Variants in PRKG1 observed in about 807,000 individuals in gnomAD.
The protein encoded by PRKG1 is protein kinase cGMP-dependent 1, also known as cGMP-dependent protein kinase 1.
A neutral mutation model predicts 88.1 loss-of-function variants in PRKG1; 35 were observed. That is an observed-to-expected ratio of 0.40 (90% CI 0.30 to 0.53). PRKG1 has a LOEUF of 0.53. PRKG1 is among the 20% of genes least tolerant of loss of function. PRKG1 has a pLI of 0.59. For synonymous variants in PRKG1, 303 were observed against 292.5 expected, an observed-to-expected ratio of 1.04 and a Z score of -0.37; for missense variants, 540 against 839.8, an observed-to-expected ratio of 0.64 and a Z score of 4.41.
intron 3 of PRKG1, among the ~76,000 whole-genome samples, chr10:51,498,056 TG>T (rs1161382901): frequency 6.6e-6 from 1 of 152,276 alleles, no homozygotes; most frequent in East Asian, 1.9e-4. Context: ...CTTTAAGCAG[TG>T]GGACGCTAGG....
At chr10:51,589,601 C>T (rs944238505) in intron 3 of PRKG1, among the ~76,000 whole-genome samples, 2 of 151,776 alleles carry the variant, frequency 1.3e-5, no homozygotes, top group African/African-American at 2.4e-5. Flanking sequence ...CCAGCCTGGG[C>T]GACAGAGTGA....
intron 3 of PRKG1, among the ~76,000 whole-genome samples, chr10:51,488,211 C>G (rs150301782): frequency 1.3e-5 from 2 of 152,112 alleles, no homozygotes; most frequent in Admixed American, 1.3e-4. Flanking sequence ...TCTAAAAATT[C>G]ATTCTTATAG....
rs542207952 is a variant in PRKG1, at chr10:51,639,250, C to T, written c.593-165335C>T. On this transcript the variant is annotated intron_variant, in intron 3 of 17. Coordinates refer to ENST00000373980, the MANE Select transcript of PRKG1 (RefSeq NM_006258.4). ...GAGATCGAGACCATCCTGGCTAACA[C>T]GGTGAAACCTTGTCTCTACTAAAAA... Among the ~76,000 whole-genome samples, 36 of 151,378 alleles carry T rather than the reference C, an allele frequency of 2.4e-4. No homozygotes were observed. In the South Asian group the frequency reaches 4.2e-3, roughly 18 times the overall value.
chr10:51,840,793 G>T (rs553627044), intron 4 of PRKG1, among the ~76,000 whole-genome samples: 2 of 151,958 alleles, frequency 1.3e-5, no homozygotes, highest in Non-Finnish European at 2.9e-5. Context: ...TGACCTGCCC[G>T]CCTTGGCCTC....
At chr10:51,472,463 T>A (rs890206816) in intron 3 of PRKG1, among the ~76,000 whole-genome samples, 3 of 151,920 alleles carry the variant, frequency 2.0e-5, no homozygotes, top group Non-Finnish European at 2.9e-5. Flanking sequence ...ATGATCTATA[T>A]CTCATTCATC....
At chr10:51,117,742 T>C (rs1845162400) in intron 1 of PRKG1, among the ~76,000 whole-genome samples, 1 of 152,250 alleles carries the variant, frequency 6.6e-6, no homozygotes, top group South Asian at 2.1e-4. Flanking sequence ...AAGAAAGCTA[T>C]GCTCATATAA....
At chr10:51,632,679 T>A (rs186080672) in intron 3 of PRKG1, among the ~76,000 whole-genome samples, 26 of 152,298 alleles carry the variant, frequency 1.7e-4, no homozygotes, top group African/African-American at 5.8e-4. Context: ...AGTATAAAAT[T>A]GAGCCCAAAG....
At chr10:51,421,550 C>T (rs981444746) in intron 2 of PRKG1, among the ~76,000 whole-genome samples, 9 of 152,030 alleles carry the variant, frequency 5.9e-5, no homozygotes, top group African/African-American at 1.7e-4. Context: ...CCCAGTTCCT[C>T]GTTTTTCTTC....
chr10:51,590,599 C>A (rs1188147095), intron 3 of PRKG1, among the ~76,000 whole-genome samples: 1 of 152,178 alleles, frequency 6.6e-6, no homozygotes, highest in East Asian at 1.9e-4. Context: ...AATTGCTTAG[C>A]ATAAAAATGC....
intron 3 of PRKG1, among the ~76,000 whole-genome samples, chr10:51,520,506 A>G (rs902627279): frequency 3.9e-5 from 6 of 152,086 alleles, no homozygotes; most frequent in African/African-American, 1.4e-4. Flanking sequence ...TCTGTACTGT[A>G]TACAGTTATC....
chr10:51,256,039 G>A (rs971512741), intron 2 of PRKG1, among the ~76,000 whole-genome samples: 2 of 152,034 alleles, frequency 1.3e-5, no homozygotes, highest in African/African-American at 4.8e-5. Context: ...TGTCCCCAGT[G>A]CTTTTTTATT....
intron 2 of PRKG1, among the ~76,000 whole-genome samples, chr10:51,169,700 G>A (rs1846647899): frequency 7.3e-6 from 1 of 136,272 alleles, no homozygotes; most frequent in African/African-American, 3.3e-5. Context: ...AGAGAGCTAG[G>A]TTTTGGAACT....
chr10:51,974,631 C>T (rs1843784318), intron 5 of PRKG1, among the ~76,000 whole-genome samples: 1 of 152,122 alleles, frequency 6.6e-6, no homozygotes, highest in Non-Finnish European at 1.5e-5. Context: ...TACCTAAAGA[C>T]CCCTAATTAC....
At chr10:51,526,290 G>T (rs1476019957) in intron 3 of PRKG1, among the ~76,000 whole-genome samples, 2 of 152,066 alleles carry the variant, frequency 1.3e-5, no homozygotes, top group Non-Finnish European at 2.9e-5. Flanking sequence ...TATATATTGA[G>T]TTAAATATAT....
intron 2 of PRKG1, among the ~76,000 whole-genome samples, chr10:51,418,308 T>C (rs112904904): frequency 1.7e-3 from 257 of 152,294 alleles, no homozygotes; most frequent in African/African-American, 5.9e-3. Flanking sequence ...TCATCTTCCC[T>C]TCTAGTCCCT....
At chr10:51,766,301 C>T (rs1838161188) in intron 3 of PRKG1, among the ~76,000 whole-genome samples, 1 of 152,182 alleles carries the variant, frequency 6.6e-6, no homozygotes, top group Non-Finnish European at 1.5e-5. Context: ...TATCTCCACC[C>T]TGTCCTCCTA....
chr10:51,347,443 T>C (rs920286440), intron 2 of PRKG1, among the ~76,000 whole-genome samples: 3 of 152,218 alleles, frequency 2.0e-5, no homozygotes, highest in African/African-American at 7.2e-5. Context: ...GAACTCTTGA[T>C]ACTTTTATAT....
intron 9 of PRKG1, among the ~76,000 whole-genome samples, chr10:52,178,142 A>C (rs1292510819): frequency 6.6e-6 from 1 of 151,822 alleles, no homozygotes; most frequent in Non-Finnish European, 1.5e-5. Flanking sequence ...CTTGCCATCA[A>C]CTTGCTTCTT....
intron 17 of PRKG1, among the ~76,000 whole-genome samples, chr10:52,293,505 T>C (rs562865797): frequency 3.9e-5 from 6 of 152,226 alleles, no homozygotes; most frequent in Admixed American, 3.9e-4. Flanking sequence ...ACATGATCAC[T>C]CTTATACTTT....
Sources: allele counts gnomAD v4.1 joint callset (sites outside exome capture counted in the v4.1 genomes callset), GRCh38; gene constraint gnomAD v4.1.1; transcripts MANE v1.5; gene names NCBI Gene and HGNC (gene_info 2026-07-23, HGNC 2026-07-21).